ARFGEF1: variants seen among roughly 807,000 people sequenced by gnomAD.
The protein encoded by ARFGEF1 is brefeldin A-inhibited guanine nucleotide-exchange protein 1.
ARFGEF1 carries 42 observed loss-of-function variants against 231.0 expected under a neutral mutation model. That is an observed-to-expected ratio of 0.18 (90% confidence interval 0.14 to 0.24). ARFGEF1 has a LOEUF of 0.24. ARFGEF1 is among the 10% of genes least tolerant of loss of function. The probability of loss-of-function intolerance (pLI) is 1.00; values close to 1 mark genes in which losing one functional copy is unlikely to be tolerated. For synonymous variants in ARFGEF1, 710 were observed against 732.3 expected (o/e 0.97, Z 0.49); for missense variants, 1,345 against 2,192.0 (o/e 0.61, Z 7.72).
chr8:67,283,200 A>C (rs1049566389), intron 7 of ARFGEF1, among the ~76,000 whole-genome samples: 2 of 152,154 alleles, frequency 1.3e-5, no homozygotes, highest in Non-Finnish European at 2.9e-5. Context: ...ACTGTATACA[A>C]ATTTTTTAAT....
At chr8:67,300,143 G>T (rs984072251) in intron 3 of ARFGEF1, among the ~76,000 whole-genome samples, 3 of 151,888 alleles carry the variant, frequency 2.0e-5, no homozygotes, top group African/African-American at 7.3e-5. Context: ...TCATAGATTT[G>T]TTCATTCATC....
At chr8:67,200,190 T>C (rs917374232) in intron 38 of ARFGEF1, 1 of 621,542 alleles carries the variant, frequency 1.6e-6, no homozygotes, top group Non-Finnish European at 3.0e-6. Flanking sequence ...GAACTGCTAA[T>C]TAGTGAACAA....
chr8:67,194,179 C>T (rs1009235888), downstream of ARFGEF1, among the ~76,000 whole-genome samples: 3 of 152,188 alleles, frequency 2.0e-5, no homozygotes, highest in East Asian at 3.8e-4. Flanking sequence ...CTACACCACC[C>T]TTTTCTATAC....
intron 9 of ARFGEF1, among the ~76,000 whole-genome samples, chr8:67,274,482 C>T (rs1384318362): frequency 1.3e-5 from 2 of 151,920 alleles, no homozygotes; most frequent in Non-Finnish European, 2.9e-5. Flanking sequence ...TGGTTTAAAC[C>T]CACTAAGTAT....
intron 22 of ARFGEF1, among the ~76,000 whole-genome samples, chr8:67,237,614 C>A (rs1262442737): frequency 6.6e-6 from 1 of 152,134 alleles, no homozygotes; most frequent in Admixed American, 6.5e-5. Context: ...TCGAATATAC[C>A]AGCCATTATG....
At chr8:67,184,707 G>A (rs1424447661) in intron 5 of ARFGEF1, among the ~76,000 whole-genome samples, 4 of 149,540 alleles carry the variant, frequency 2.7e-5, no homozygotes, top group Non-Finnish European at 5.9e-5. Flanking sequence ...CTGCATGACA[G>A]AGTGAGATTC....
chr8:67,284,548 T>C (rs1370326066), intron 7 of ARFGEF1, among the ~76,000 whole-genome samples: 1 of 152,222 alleles, frequency 6.6e-6, no homozygotes, highest in Non-Finnish European at 1.5e-5. Context: ...TATTTAAGGA[T>C]ACATATAATT....
intron 29 of ARFGEF1, among the ~76,000 whole-genome samples, chr8:67,224,060 G>A (rs1839291308): frequency 6.6e-6 from 1 of 152,096 alleles, no homozygotes; most frequent in African/African-American, 2.4e-5. Context: ...ACCTTGGTGG[G>A]GGATGGGGGT....
intron 13 of ARFGEF1, 66 bp from the exon 14 acceptor site, chr8:67,266,273 CAA>C: frequency 7.6e-7 from 1 of 1,322,784 alleles, no homozygotes; most frequent in South Asian, 1.3e-5. Context: ...TAAGGGCAAA[CAA>C]ATTCTTGAAT....
rs10719102 is a variant in ARFGEF1, at chr8:67,218,191, TAAAA to T, written c.4339-57_4339-54del. 4.7e-4 allele frequency: 72 copies of T among 153,666 alleles called. 2 individuals carry two copies. Among genetic ancestry groups the T allele is most frequent in the African/African-American group, 9.6e-4 (17 of 17,672 alleles). The allele number at this position is 153,666 out of a possible 1,614,324, so 9.5% of individuals were successfully genotyped here. On this transcript the variant is annotated intron_variant, in intron 30 of 38. Coordinates refer to ENST00000262215, the MANE Select transcript of ARFGEF1 (RefSeq NM_006421.5). ...CACGCCATTAATCAACTACTATGAT[TAAAA>T]AAAAAAAAAAAAATATATATATATA...
intron 7 of ARFGEF1, among the ~76,000 whole-genome samples, chr8:67,281,467 A>T (rs1805533467): frequency 6.7e-6 from 1 of 150,162 alleles, no homozygotes; most frequent in East Asian, 1.9e-4. Context: ...TAATTTGATA[A>T]AGAGTATCCT....
intron 10 of ARFGEF1, among the ~76,000 whole-genome samples, chr8:67,270,154 T>C (rs935445076): frequency 6.6e-6 from 1 of 152,204 alleles, no homozygotes; most frequent in Admixed American, 6.5e-5. Flanking sequence ...GGGGAAAAAC[T>C]ATCTAAAAAC....
At chr8:67,207,484 C>G (rs925925629) in intron 34 of ARFGEF1, among the ~76,000 whole-genome samples, 3 of 152,152 alleles carry the variant, frequency 2.0e-5, no homozygotes, top group Admixed American at 2.0e-4. Flanking sequence ...TAGCAAGGAC[C>G]AGAAGCACAT....
chr8:67,323,896 G>A (rs1338214845), intron 1 of ARFGEF1, among the ~76,000 whole-genome samples: 1 of 151,860 alleles, frequency 6.6e-6, no homozygotes, highest in Non-Finnish European at 1.5e-5. Flanking sequence ...CGCCCCTTGA[G>A]TTCATGCCAT....
chr8:67,335,891 C>T (rs1007970075), intron 1 of ARFGEF1, among the ~76,000 whole-genome samples: 3 of 151,998 alleles, frequency 2.0e-5, no homozygotes, highest in Non-Finnish European at 4.4e-5. Context: ...GGATTACAGG[C>T]GCCCACTGCC....
intron 33 of ARFGEF1, among the ~76,000 whole-genome samples, chr8:67,214,389 T>C (rs1838853490): frequency 6.6e-6 from 1 of 152,206 alleles, no homozygotes; most frequent in Non-Finnish European, 1.5e-5. Flanking sequence ...GCTGAAGGTG[T>C]GGCCTGGTTT....
At chr8:67,192,640 C>T (rs1331603361) in intron 5 of ARFGEF1, among the ~76,000 whole-genome samples, 1 of 152,086 alleles carries the variant, frequency 6.6e-6, no homozygotes, top group African/African-American at 2.4e-5. Context: ...TGTTTTCTTT[C>T]AGTTTGTTCT....
chr8:67,295,002 C>T (rs150982503), intron 5 of ARFGEF1, among the ~76,000 whole-genome samples: 11 of 152,162 alleles, frequency 7.2e-5, no homozygotes, highest in Admixed American at 4.6e-4. Context: ...AGGATGGGAG[C>T]TGGTCACAAG....
Position 67,245,764 on chromosome 8 carries a change from T to C in ARFGEF1, c.2851-5474A>G, listed in dbSNP as rs931941476. Among the ~76,000 whole-genome samples, 8 of 150,214 alleles carry C rather than the reference T, an allele frequency of 5.3e-5. 1 individual carries two copies. Among genetic ancestry groups the C allele is most frequent in the East Asian group, 1.9e-4 (1 of 5,182 alleles). On this transcript the variant is annotated intron_variant, in intron 19 of 38. Transcript: ENST00000262215. ...AGTCTTTATCAATAGTCACACTGAATATACATAGGCTAAACTCTTCAATAA... is the reference window on the plus strand; with the variant it reads ...AGTCTTTATCAATAGTCACACTGAACATACATAGGCTAAACTCTTCAATAA...
Sources: allele counts gnomAD v4.1 joint callset (sites outside exome capture counted in the v4.1 genomes callset), GRCh38; gene constraint gnomAD v4.1.1; transcripts MANE v1.5; gene names NCBI Gene and HGNC (gene_info 2026-07-23, HGNC 2026-07-21).